Variants in LHFPL3 observed in about 807,000 individuals in gnomAD.
The protein encoded by LHFPL3 is LHFPL tetraspan subfamily member 3, also known as LHFPL tetraspan subfamily member 3 protein.
A neutral mutation model predicts 19.3 loss-of-function variants in LHFPL3; 5 were observed. The observed-to-expected ratio is 0.26, with a 90% CI of 0.14 to 0.54. LHFPL3 has a LOEUF of 0.54. Ranked by LOEUF, LHFPL3 falls within the 20% of genes least tolerant of loss-of-function variation. The pLI, the probability that LHFPL3 is intolerant of heterozygous loss-of-function variation, is 0.94. For missense variants in LHFPL3, 249 were observed against 307.4 expected (o/e 0.81, Z 1.42); for synonymous variants, 133 against 126.2 (o/e 1.05, Z -0.36).
In LHFPL3 at chr7:104,329,224, G is replaced by A. The variant is rs1801522318; in HGVS notation, c.445G>A (p.Ala149Thr). 1.3e-6 allele frequency: 2 copies of A among 1,598,616 alleles called. No individual in the cohort carries two copies. The highest frequency in any genetic ancestry group is 1.7e-6 in the Non-Finnish European group (2 of 1,169,430). Residue 149 changes from alanine (A) to threonine (T), a missense_variant and splice_region_variant, in exon 1 of 3, where the codon GCT becomes ACT. Transcript: ENST00000424859. ...KICAWMQLTS[A>T]ACLVLGCMIF... Reference sequence around the variant, plus strand: ...ATGTGCCTGGATGCAGCTCACCTCCGGTGAGTGCGCGCTCACCTCCGCGGA... The same window carrying A: ...ATGTGCCTGGATGCAGCTCACCTCCAGTGAGTGCGCGCTCACCTCCGCGGA...
At chr7:104,425,124 C>T (rs966464429) in intron 1 of LHFPL3, among the ~76,000 whole-genome samples, 9 of 151,302 alleles carry the variant, frequency 5.9e-5, no homozygotes, top group Admixed American at 5.9e-4. Context: ...AAAAAGTATT[C>T]TGATCACTAC....
chr7:104,528,169 T>C (rs1794226285), intron 1 of LHFPL3, among the ~76,000 whole-genome samples: 1 of 152,236 alleles, frequency 6.6e-6, no homozygotes, highest in Non-Finnish European at 1.5e-5. Flanking sequence ...AGGAATTCTG[T>C]TGATTTGATC....
intron 1 of LHFPL3, among the ~76,000 whole-genome samples, chr7:104,447,759 C>T (rs148634370): frequency 3.3e-5 from 5 of 152,156 alleles, no homozygotes; most frequent in African/African-American, 9.6e-5. Flanking sequence ...CTCTCTGAAA[C>T]ACTTGTGGGG....
intron 1 of LHFPL3, among the ~76,000 whole-genome samples, chr7:104,726,334 A>ATT (rs34677235): frequency 1.7e-3 from 259 of 148,916 alleles, no homozygotes; most frequent in African/African-American, 5.7e-3. Context: ...ACCAAAGACT[A>ATT]TTTTTTTTTT....
At chr7:104,350,259 G>A (rs1242716817) in intron 1 of LHFPL3, among the ~76,000 whole-genome samples, 2 of 152,154 alleles carry the variant, frequency 1.3e-5, no homozygotes, top group South Asian at 2.1e-4. Flanking sequence ...TAGTCTGTGG[G>A]ATGAGTTGCT....
intron 1 of LHFPL3, among the ~76,000 whole-genome samples, chr7:104,407,504 A>G (rs980396506): frequency 2.0e-5 from 3 of 152,130 alleles, no homozygotes; most frequent in African/African-American, 7.2e-5. Flanking sequence ...TAAAAATACA[A>G]AATTAGCCAG....
intron 1 of LHFPL3, among the ~76,000 whole-genome samples, chr7:104,562,195 C>A (rs1414996044): frequency 6.6e-6 from 1 of 151,852 alleles, no homozygotes; most frequent in East Asian, 1.9e-4. Context: ...GTCTTTGTGG[C>A]GTTCTCTGTA....
chr7:104,584,215 A>G (rs1790518668), intron 1 of LHFPL3, among the ~76,000 whole-genome samples: 1 of 152,058 alleles, frequency 6.6e-6, no homozygotes, highest in Admixed American at 6.6e-5. Context: ...AGGACAAAAA[A>G]CCAAACACCG....
At chr7:104,725,849 A>G (rs1452985895) in intron 1 of LHFPL3, among the ~76,000 whole-genome samples, 1 of 152,182 alleles carries the variant, frequency 6.6e-6, no homozygotes, top group Non-Finnish European at 1.5e-5. Flanking sequence ...CAGGAGTTCA[A>G]TACCAGCCTG....
chr7:104,551,939 C>G (rs1205962525), intron 1 of LHFPL3, among the ~76,000 whole-genome samples: 2 of 152,158 alleles, frequency 1.3e-5, no homozygotes, highest in East Asian at 3.9e-4. Flanking sequence ...CCATCCTCTT[C>G]TCTCTAAAAC....
chr7:104,459,737 G>C (rs1253947417), intron 1 of LHFPL3, among the ~76,000 whole-genome samples: 1 of 152,180 alleles, frequency 6.6e-6, no homozygotes, highest in Non-Finnish European at 1.5e-5. Flanking sequence ...CTGGATTAAT[G>C]ATGGGATCCA....
intron 1 of LHFPL3, among the ~76,000 whole-genome samples, chr7:104,701,918 C>G (rs1444472809): frequency 6.6e-6 from 1 of 151,948 alleles, no homozygotes; most frequent in Non-Finnish European, 1.5e-5. Flanking sequence ...GCAGAACATT[C>G]AGGTTACATA....
intron 1 of LHFPL3, among the ~76,000 whole-genome samples, chr7:104,634,662 C>T (rs1284246294): frequency 6.6e-6 from 1 of 152,188 alleles, no homozygotes; most frequent in Non-Finnish European, 1.5e-5. Context: ...AATCATATCT[C>T]CTAAGCTGAA....
At chr7:104,711,381 C>A (rs1793297604) in intron 1 of LHFPL3, among the ~76,000 whole-genome samples, 1 of 152,162 alleles carries the variant, frequency 6.6e-6, no homozygotes, top group Non-Finnish European at 1.5e-5. Flanking sequence ...ACTAGCAAGA[C>A]TGGGATTAGT....
At chr7:104,630,199 A>G (rs1562953981) in intron 1 of LHFPL3, among the ~76,000 whole-genome samples, 1 of 152,206 alleles carries the variant, frequency 6.6e-6, no homozygotes, top group Non-Finnish European at 1.5e-5. Flanking sequence ...TATATTTTAT[A>G]TTGCATGTGT....
chr7:104,818,699 A>T (rs142034791), intron 2 of LHFPL3, among the ~76,000 whole-genome samples: 73 of 152,236 alleles, frequency 4.8e-4, no homozygotes, highest in African/African-American at 1.7e-3. Context: ...AAGCCAGAAA[A>T]ACAGAGTTGT....
At chr7:104,405,826 T>C (rs1191854598) in intron 1 of LHFPL3, among the ~76,000 whole-genome samples, 1 of 152,170 alleles carries the variant, frequency 6.6e-6, no homozygotes, top group African/African-American at 2.4e-5. Flanking sequence ...ATTAATTGTT[T>C]ATGTTAGACC....
intron 1 of LHFPL3, among the ~76,000 whole-genome samples, chr7:104,661,621 T>G (rs552996610): frequency 6.6e-6 from 1 of 152,132 alleles, no homozygotes; most frequent in Non-Finnish European, 1.5e-5. Context: ...AATACAGTAG[T>G]CCCTCCTTAC....
chr7:104,527,552 G>C (rs1794212882), intron 1 of LHFPL3, among the ~76,000 whole-genome samples: 1 of 152,152 alleles, frequency 6.6e-6, no homozygotes, highest in Non-Finnish European at 1.5e-5. Context: ...AATAGGAAGA[G>C]TGATGACTGA....
Sources: allele counts gnomAD v4.1 joint callset (sites outside exome capture counted in the v4.1 genomes callset), GRCh38; gene constraint gnomAD v4.1.1; transcripts MANE v1.5; gene names NCBI Gene and HGNC (gene_info 2026-07-23, HGNC 2026-07-21).